DAG1: variants seen among roughly 807,000 people sequenced by gnomAD.
DAG1 encodes dystroglycan 1.
Under a neutral mutation model 46.1 loss-of-function variants are expected in DAG1, and 8 were observed. The ratio of observed to expected loss-of-function variants is 0.17; its 90% CI spans 0.10 to 0.31. The LOEUF (loss-of-function observed/expected upper bound fraction) is 0.31. DAG1 is among the 10% of genes least tolerant of loss of function. The pLI is 1.00. For synonymous variants in DAG1, 495 were observed against 481.8 expected (o/e 1.03, Z -0.36); for missense variants, 1,003 against 1,189.9 (o/e 0.84, Z 2.31).
rs570068737 is a variant in DAG1, at chr3:49,533,348, G to T, written c.*149G>T. The T allele has an allele frequency of 8.3e-7, 1 of 1,199,414 alleles. No individual in the cohort carries two copies. The highest frequency in any genetic ancestry group is 1.5e-5 in the African/African-American group (1 of 66,436). 74.3% of individuals were successfully genotyped at this position (1,199,414 alleles called of 1,614,324 possible). ...CTGACACAGGGGCCTGGACAAGCCC[G>T]CCCTCTCTGGTCCTCCCAAACCCCA... On this transcript the variant is annotated 3_prime_UTR_variant, in exon 3 of 3. Transcript: ENST00000308775.
chr3:49,471,516 A>G (rs1342716092), intron 1 of DAG1, among the ~76,000 whole-genome samples: 2 of 152,074 alleles, frequency 1.3e-5, no homozygotes, highest in East Asian at 3.9e-4. Context: ...GAGTATGGAG[A>G]AGTTTAGTTG....
chr3:49,482,912 C>A (rs1037551500), intron 1 of DAG1, among the ~76,000 whole-genome samples: 1 of 152,144 alleles, frequency 6.6e-6, no homozygotes, highest in African/African-American at 2.4e-5. Context: ...CCAAGGCTGT[C>A]TAGGGCAGAA....
intron 2 of DAG1, among the ~76,000 whole-genome samples, chr3:49,513,216 C>G (rs1264998563): frequency 6.6e-6 from 1 of 152,138 alleles, no homozygotes; most frequent in Non-Finnish European, 1.5e-5. Context: ...TTGATGCTGC[C>G]TGTTGACAGG....
upstream of DAG1, chr3:49,470,106 G>C (rs972915454): frequency 4.6e-5 from 7 of 151,166 alleles, no homozygotes; most frequent in African/African-American, 1.7e-4. Context: ...GCGCGCGGGT[G>C]CGGCGCGCTG....
intron 1 of DAG1, among the ~76,000 whole-genome samples, chr3:49,490,382 A>G (rs1221607364): frequency 6.7e-6 from 1 of 149,846 alleles, no homozygotes; most frequent in Non-Finnish European, 1.5e-5. Context: ...TTTTTTATAT[A>G]ACTTTAAATT....
At chr3:49,517,874 G>A (rs2050938024) in intron 2 of DAG1, among the ~76,000 whole-genome samples, 1 of 152,194 alleles carries the variant, frequency 6.6e-6, no homozygotes, top group African/African-American at 2.4e-5. Flanking sequence ...AAGACATGTG[G>A]GACAGTGGTG....
chr3:49,484,556 T>C (rs142914498), intron 1 of DAG1, among the ~76,000 whole-genome samples: 1 of 152,284 alleles, frequency 6.6e-6, no homozygotes, highest in East Asian at 1.9e-4. Flanking sequence ...GCTTTCTTCC[T>C]GTGGAGGGCT....
Position 49,532,594 on chromosome 3 carries a change from G to A in DAG1, c.2083G>A (p.Ala695Thr), listed in dbSNP as rs764107385. 1.4e-5 allele frequency: 22 copies of A among 1,612,468 alleles called. No individual in the cohort carries two copies. Among genetic ancestry groups the A allele is most frequent in the African/African-American group, 8.0e-5 (6 of 74,862 alleles). Residue 695 changes from alanine (A) to threonine (T), a missense_variant, in exon 3 of 3, where the codon GCC (alanine) becomes ACC (threonine). By Grantham distance (58) the Ala-to-Thr change is moderately conservative. This residue lies in a region of DAG1 where 755 missense variants were observed against 854.1 expected (regional missense o/e 0.88). Transcript: ENST00000308775. The surrounding 1 kb of genome is among the most constrained non-coding windows in gnomAD (Gnocchi z 5.4). ...DGKPRPAFSN[A>T]LEPDFKATSI... ...AAAACCTCGGCCTGCCTTCTCCAAC[G>A]CCCTAGAGCCTGACTTTAAGGCCAC...
In DAG1 at chr3:49,531,391, G is replaced by T; in HGVS notation, c.880G>T (p.Val294Leu). 1 of 1,614,142 alleles carries T rather than the reference G, an allele frequency of 6.2e-7. No homozygotes were observed. Among genetic ancestry groups the T allele is most frequent in the Admixed American group, 1.7e-5 (1 of 60,022 alleles). The stretch of plus-strand genomic sequence containing the variant: ...AATGTCTGCTCAGCTTGGCTACCCT[G>T]TGGTGGGTTGGCACATCGCCAATAA... ...GAMSAQLGYP[V>L]VGWHIANKKP... The change falls in exon 3 of 3, where the codon GTG becomes TTG. Residue 294 changes from valine (V) to leucine (L), a missense_variant. This residue lies in a region of DAG1 where 755 missense variants were observed against 854.1 expected (regional missense o/e 0.88). Transcript: ENST00000308775. This position sits in a 1 kb window ranked among gnomAD's most constrained non-coding sequence, Gnocchi z 7.0.
chr3:49,518,504 G>A (rs1056655380), intron 2 of DAG1, among the ~76,000 whole-genome samples: 7 of 152,156 alleles, frequency 4.6e-5, no homozygotes, highest in African/African-American at 2.4e-5. Context: ...CAAATGCTTC[G>A]CTACATTTTA....
chr3:49,496,937 T>G (rs2050328756), intron 1 of DAG1, among the ~76,000 whole-genome samples: 1 of 152,048 alleles, frequency 6.6e-6, no homozygotes, highest in African/African-American at 2.4e-5. Context: ...AATTTTTTTT[T>G]GTAGAGATGG....
intron 2 of DAG1, among the ~76,000 whole-genome samples, chr3:49,528,330 G>C (rs1381407098): frequency 8.3e-6 from 1 of 120,964 alleles, no homozygotes; most frequent in Admixed American, 9.5e-5. Flanking sequence ...TGTCATTCAG[G>C]CTGGAGTGCA....
intron 2 of DAG1, among the ~76,000 whole-genome samples, chr3:49,525,552 C>G (rs2051146176): frequency 7.1e-6 from 1 of 140,724 alleles, no homozygotes; most frequent in Non-Finnish European, 1.5e-5. Context: ...GGGGGAGGTG[C>G]TACACACTTT....
rs1397830721 is a variant in DAG1 at position 49,533,372 on chromosome 3, C to T, written c.*173C>T. ...CGCCCTCTCTGGTCCTCCCAAACCC[C>T]AAAGCAGCTGGAGAGACTTTGGGGA... On this transcript the variant is annotated 3_prime_UTR_variant, in exon 3 of 3. Transcript: ENST00000308775. 4 of 967,958 alleles carry T rather than the reference C, an allele frequency of 4.1e-6. No homozygotes were observed. Among genetic ancestry groups the T allele is most frequent in the Non-Finnish European group, 6.4e-6 (4 of 628,102 alleles). The allele number at this position is 967,958 out of a possible 1,614,324, so 60.0% of individuals were successfully genotyped here. A position where few individuals can be genotyped will look rare whatever the true frequency, so the allele number is the denominator to read the frequency against.
chr3:49,531,568 A>G lies in DAG1; in HGVS notation c.1057A>G (p.Thr353Ala). ...TCCAGCCATTGCTCCTCCAACAGAG[A>G]CCATGGCTCCTCCAGTCAGGGATCC... ...TSPAIAPPTE[T>A]MAPPVRDPVP... The change falls in exon 3 of 3, where the codon ACC becomes GCC. Residue 353 changes from threonine (T) to alanine (A), a missense_variant. By Grantham distance (58) the Thr-to-Ala change is moderately conservative (BLOSUM62 0). Transcript: ENST00000308775. This position sits in a 1 kb window ranked among gnomAD's most constrained non-coding sequence, Gnocchi z 7.0. The G allele has an allele frequency of 6.2e-7, 1 of 1,612,104 alleles. No homozygotes were observed. Among genetic ancestry groups the G allele is most frequent in the East Asian group, 2.2e-5 (1 of 44,808 alleles).
Position 49,516,787 on chromosome 3 carries a change from T to A in DAG1, c.285+5968T>A, listed in dbSNP as rs72934290. ...CAGCCATTTCTTCAAGGAGCCTGAT[T>A]CCTTTTTGTGGTGAATGTTATTGGG... On this transcript the variant is annotated intron_variant, in intron 2 of 2. Coordinates refer to ENST00000308775, the MANE Select transcript of DAG1 (RefSeq NM_004393.6). Among the ~76,000 whole-genome samples the A allele has an allele frequency of 6.0e-3, 906 of 152,246 alleles. 12 individuals are homozygous for A. The highest frequency in any genetic ancestry group is 0.021 in the African/African-American group (859 of 41,540).
intron 2 of DAG1, among the ~76,000 whole-genome samples, chr3:49,525,559 C>CTT (rs66961854): frequency 1.4e-5 from 2 of 140,410 alleles, no homozygotes; most frequent in African/African-American, 2.6e-5. Flanking sequence ...GTGCTACACA[C>CTT]TTTTTTTTTT....
chr3:49,492,425 T>C (rs1482071706), intron 1 of DAG1, among the ~76,000 whole-genome samples: 2 of 152,148 alleles, frequency 1.3e-5, no homozygotes, highest in Non-Finnish European at 2.9e-5. Flanking sequence ...GGTGGGAGAA[T>C]TGCTTGAGCC....
At chr3:49,510,200 G>A in intron 1 of DAG1, 1 of 488,568 alleles carries the variant, frequency 2.0e-6, no homozygotes, top group East Asian at 3.0e-5. Flanking sequence ...TTTTTATGAA[G>A]TTTTCAAAAT....
Sources: gnomAD v4.1 joint callset for allele counts (sites outside exome capture counted in the v4.1 genomes callset) on GRCh38, gnomAD v4.1.1 for gene constraint, gnomAD v4.1.1 regional missense constraint, Gnocchi (gnomAD v3.1) non-coding constraint, MANE v1.5 for transcripts, NCBI Gene and HGNC (gene_info 2026-07-23, HGNC 2026-07-21) for gene names.